DOCK6: variants seen among roughly 807,000 people sequenced by gnomAD.
DOCK6 encodes dedicator of cytokinesis 6.
DOCK6 carries 167 observed loss-of-function variants against 230.3 expected under a neutral mutation model. The observed-to-expected ratio is 0.73, with a 90% confidence interval of 0.64 to 0.82. The LOEUF is 0.82. DOCK6 is among the 40% of genes least tolerant of loss of function. The pLI is 0.00. For missense variants in DOCK6, 2,598 were observed against 2,825.8 expected (o/e 0.92, Z 1.83); for synonymous variants, 1,148 against 1,185.0 (o/e 0.97, Z 0.64).
rs1458016571 is a variant in DOCK6, at chr19:11,243,990, C to T, written c.1024-108G>A. ...CTCATGGGCCCTCGGACACTCCTAACATATGAAGGCCTTTGCTCCAACACC... is the reference window on the plus strand; with the variant it reads ...CTCATGGGCCCTCGGACACTCCTAATATATGAAGGCCTTTGCTCCAACACC... On this transcript the variant is annotated intron_variant, in intron 9 of 47. Transcript: ENST00000294618. This position sits in a 1 kb window ranked among gnomAD's most constrained non-coding sequence, Gnocchi z 6.3. 1.7e-5 allele frequency: 20 copies of T among 1,208,996 alleles called. No homozygotes were observed. Among genetic ancestry groups the T allele is most frequent in the Non-Finnish European group, 2.3e-5 (19 of 841,850 alleles). The allele number at this position is 1,208,996 out of a possible 1,614,324, so 74.9% of individuals were successfully genotyped here. A position where few individuals can be genotyped will look rare whatever the true frequency, so the allele number is the denominator to read the frequency against.
Position 11,243,756 on chromosome 19 carries a change from C to G in DOCK6, c.1104+46G>C. On this transcript the variant is annotated intron_variant, in intron 10 of 47. Coordinates refer to ENST00000294618, the MANE Select transcript of DOCK6 (RefSeq NM_020812.4). This position sits in a 1 kb window ranked among gnomAD's most constrained non-coding sequence, Gnocchi z 6.3. ...CTGCCAGCTCAGCATCCTAGCCCTG[C>G]TGAGTCAGGGATCTGTTGCCCCTAG... 1 of 1,613,582 alleles carries G rather than the reference C, an allele frequency of 6.2e-7. No individual in the cohort carries two copies. The highest frequency in any genetic ancestry group is 1.1e-5 in the South Asian group (1 of 90,940).
chr19:11,208,654 C>G, intron 39 of DOCK6, 32 bp downstream of exon 39: 1 of 1,592,856 alleles, frequency 6.3e-7, no homozygotes, highest in Non-Finnish European at 8.6e-7. Context: ...GGCCCGAGCC[C>G]CCTCTCCTGC....
In DOCK6 at chr19:11,200,164, A is replaced by AC; in HGVS notation, c.6101+143_6101+144insG. The AC allele has an allele frequency of 6.5e-6, 6 of 928,998 alleles. No homozygotes were observed. The highest frequency in any genetic ancestry group is 1.7e-5 in the African/African-American group (1 of 58,172). 57.5% of individuals were successfully genotyped at this position (928,998 alleles called of 1,614,324 possible). A position where few individuals can be genotyped will look rare whatever the true frequency, so the allele number is the denominator to read the frequency against. On this transcript the variant is annotated intron_variant, in intron 47 of 47. Transcript: ENST00000294618. The surrounding 1 kb of genome is among the most constrained non-coding windows in gnomAD (Gnocchi z 4.3). ...AGAGTCTCTCAAAAAAAAAAACAAA[A>AC]AAAAAACCGGAAACAAAACAAAGTC...
rs771403818 is a variant in DOCK6 at position 11,243,772 on chromosome 19, T to A, written c.1104+30A>T. 6.2e-7 allele frequency: 1 copy of A among 1,613,366 alleles called. No individual in the cohort carries two copies. On this transcript the variant is annotated intron_variant, in intron 10 of 47. Coordinates refer to ENST00000294618, the MANE Select transcript of DOCK6 (RefSeq NM_020812.4). This position sits in a 1 kb window ranked among gnomAD's most constrained non-coding sequence, Gnocchi z 6.3. ...CTAGCCCTGCTGAGTCAGGGATCTGTTGCCCCTAGTCCAGCCTCCACACGC... is the reference window on the plus strand; with the variant it reads ...CTAGCCCTGCTGAGTCAGGGATCTGATGCCCCTAGTCCAGCCTCCACACGC...
In DOCK6 at chr19:11,222,377, G is replaced by C; in HGVS notation, c.3241-129C>G. On this transcript the variant is annotated intron_variant, in intron 26 of 47. Coordinates refer to ENST00000294618, the MANE Select transcript of DOCK6 (RefSeq NM_020812.4). This position sits in a 1 kb window ranked among gnomAD's most constrained non-coding sequence, Gnocchi z 4.0. ...GCCACAGATGAAAGACTGATGTTAA[G>C]TCATCTGGAGGTGACAGTGGGCATG... is the stretch of plus-strand genomic sequence containing the variant. The C allele has an allele frequency of 2.3e-6, 3 of 1,307,182 alleles. No homozygotes were observed. The highest frequency in any genetic ancestry group is 3.1e-6 in the Non-Finnish European group (3 of 957,524). The allele number at this position is 1,307,182 out of a possible 1,614,324, so 81.0% of individuals were successfully genotyped here.
rs748069737 is a variant in DOCK6, at chr19:11,202,127, T to G, written c.5452-2A>C. ...CACATACGTGATCTGGATGTAGGCC[T>G]GGGCGCAGGGTCAGGTGTGAGGATC... is the stretch of plus-strand genomic sequence containing the variant. On this transcript the variant is annotated splice_acceptor_variant, in intron 43 of 47. Coordinates refer to ENST00000294618, the MANE Select transcript of DOCK6 (RefSeq NM_020812.4). LOFTEE classifies it high-confidence loss of function. The surrounding 1 kb of genome is among the most constrained non-coding windows in gnomAD (Gnocchi z 5.3). The G allele has an allele frequency of 6.2e-7, 1 of 1,613,696 alleles. No homozygotes were observed. Among genetic ancestry groups the G allele is most frequent in the African/African-American group, 1.3e-5 (1 of 74,942 alleles).
chr19:11,199,569 G>T (rs2079133927), intron 47 of DOCK6, 30 bp from the exon 48 acceptor site: 7 of 1,563,170 alleles, frequency 4.5e-6, no homozygotes, highest in Non-Finnish European at 6.1e-6. Context: ...GGGTCAGCAT[G>T]GCCATGGGGC....
At chr19:11,248,872 T>A in intron 6 of DOCK6, among the ~76,000 whole-genome samples, 1 of 152,158 alleles carries the variant, frequency 6.6e-6, no homozygotes, top group East Asian at 1.9e-4. Context: ...ATACAATAGG[T>A]ACCTACTAAA....
Position 11,202,769 on chromosome 19 carries a change from C to T in DOCK6, c.5236-60G>A, listed in dbSNP as rs1471654953. 1.9e-6 allele frequency: 3 copies of T among 1,606,042 alleles called. No homozygotes were observed. Among genetic ancestry groups the T allele is most frequent in the African/African-American group, 1.3e-5 (1 of 74,892 alleles). On this transcript the variant is annotated intron_variant, in intron 41 of 47. Coordinates refer to ENST00000294618, the MANE Select transcript of DOCK6 (RefSeq NM_020812.4). This position sits in a 1 kb window ranked among gnomAD's most constrained non-coding sequence, Gnocchi z 5.3. ...GGCCCCTGCTGGAGGTCTCCCTGCCCCAGAGATAGGTGTCTCGAATATCAG... is the reference window on the plus strand; with the variant it reads ...GGCCCCTGCTGGAGGTCTCCCTGCCTCAGAGATAGGTGTCTCGAATATCAG...
Position 11,242,163 on chromosome 19 carries a change from A to G in DOCK6, c.1525T>C (p.Phe509Leu), listed in dbSNP as rs767424604. ...TGAAGCAGCTCAGGGGAGAGGCAGA[A>G]GTGGGGATTTTCAGGAGCCGGAGAA... ...DISPAPENPH[F>L]CLSPELLHIK... The change falls in exon 14 of 48, where the codon TTC becomes CTC. Residue 509 changes from phenylalanine to leucine, a missense_variant. Coordinates refer to ENST00000294618, the MANE Select transcript of DOCK6 (RefSeq NM_020812.4). The G allele has an allele frequency of 6.8e-7, 1 of 1,465,496 alleles. No homozygotes were observed. The highest frequency in any genetic ancestry group is 9.0e-7 in the Non-Finnish European group (1 of 1,109,744). 90.8% of individuals were successfully genotyped at this position (1,465,496 alleles called of 1,614,324 possible). A position where few individuals can be genotyped will look rare whatever the true frequency, so the allele number is the denominator to read the frequency against.
chr19:11,258,176 T>C (rs1397750164), intron 1 of DOCK6, among the ~76,000 whole-genome samples: 2 of 152,124 alleles, frequency 1.3e-5, no homozygotes, highest in African/African-American at 4.8e-5. Context: ...TGAAAAAGGA[T>C]TGCAGGCAAT....
intron 37 of DOCK6, among the ~76,000 whole-genome samples, chr19:11,210,566 C>G (rs543073119): frequency 6.8e-6 from 1 of 147,698 alleles, no homozygotes; most frequent in South Asian, 2.2e-4. Flanking sequence ...ACCCCCTCAC[C>G]TGTGCATCCC....
intron 39 of DOCK6, among the ~76,000 whole-genome samples, chr19:11,207,236 T>C (rs533173753): frequency 4.6e-5 from 7 of 152,266 alleles, no homozygotes; most frequent in African/African-American, 1.4e-4. Context: ...CTCTGTCACA[T>C]AGGTTGGAGT....
rs2079857826 is a variant in DOCK6, at chr19:11,236,897, C to G, written c.2074-18G>C. On this transcript the variant is annotated intron_variant, in intron 18 of 47. Transcript: ENST00000294618. The surrounding 1 kb of genome is among the most constrained non-coding windows in gnomAD (Gnocchi z 5.2). ...AGCGCCACCTGTGGGAGGGAGGCAC[C>G]AGGTGGGCACTGGTCAGCCCTCCCT... 1 of 1,548,674 alleles carries G rather than the reference C, an allele frequency of 6.5e-7. No individual in the cohort carries two copies. Among genetic ancestry groups the G allele is most frequent in the Non-Finnish European group, 8.7e-7 (1 of 1,146,284 alleles).
intron 35 of DOCK6, 99 bp from the exon 36 acceptor site, chr19:11,212,250 A>AT (rs1568223568): frequency 4.1e-5 from 56 of 1,375,692 alleles, no homozygotes; most frequent in East Asian, 5.0e-5. Flanking sequence ...TGCGTTCTTT[A>AT]TTTTTTTTGA....
Position 11,243,501 on chromosome 19 carries a change from G to T in DOCK6, c.1258+56C>A. 1 of 1,550,768 alleles carries T rather than the reference G, an allele frequency of 6.4e-7. No homozygotes were observed. On this transcript the variant is annotated intron_variant, in intron 11 of 47. Coordinates refer to ENST00000294618, the MANE Select transcript of DOCK6 (RefSeq NM_020812.4). The surrounding 1 kb of genome is among the most constrained non-coding windows in gnomAD (Gnocchi z 6.3). ...CCCTCGCCCCGTAGCCCCGCCCCAG[G>T]CCTGTCAGCACCACCCTTTAGCCCC...
At chr19:11,232,426 G>T in intron 22 of DOCK6, 1 of 563,598 alleles carries the variant, frequency 1.8e-6, no homozygotes, top group Non-Finnish European at 2.8e-6. Flanking sequence ...AAATGTGCAC[G>T]TGTATATAGG....
chr19:11,234,415 C>A, intron 21 of DOCK6, among the ~76,000 whole-genome samples: 1 of 146,256 alleles, frequency 6.8e-6, no homozygotes, highest in African/African-American at 2.5e-5. Context: ...CTGACCCTGA[C>A]TCTTAAAAAA....
chr19:11,200,343 C>A lies in DOCK6; in HGVS notation c.6066G>T (p.Leu2022=). The A allele has an allele frequency of 3.2e-6, 5 of 1,576,682 alleles. No homozygotes were observed. The highest frequency in any genetic ancestry group is 4.3e-6 in the Non-Finnish European group (5 of 1,161,248). Residue 2022 remains leucine (L), a synonymous_variant, in exon 47 of 48, where the codon CTG becomes CTT. Transcript: ENST00000294618. The surrounding 1 kb of genome is among the most constrained non-coding windows in gnomAD (Gnocchi z 4.3). ...GTGGGGTGGGTGCCATCAGCTGGGG[C>A]AGGCGCTGGGTAAGCAGGGGCTGCA... The part of the protein sequence containing the change: ...EALQPLLTQR[L]PQLMAPTPPG...
Sources: allele counts gnomAD v4.1 joint callset (sites outside exome capture counted in the v4.1 genomes callset), GRCh38; gene constraint gnomAD v4.1.1; non-coding constraint Gnocchi (gnomAD v3.1); transcripts MANE v1.5; gene names NCBI Gene and HGNC (gene_info 2026-07-23, HGNC 2026-07-21).